The following DTNB variants were observed in gnomAD, a reference collection of about 807,000 sequenced individuals.
The protein encoded by DTNB is dystrobrevin beta, also known as DTN-B.
In DTNB, 63 loss-of-function variants were observed where a neutral mutation model predicts 90.7. That is an observed-to-expected ratio of 0.69 (90% CI 0.57 to 0.86). The LOEUF (loss-of-function observed/expected upper bound fraction) is 0.86, where lower values mean the gene tolerates loss of function less well. Ranked by LOEUF, DTNB falls within the 40% of genes least tolerant of loss-of-function variation. The pLI is 0.00. For missense variants in DTNB, 744 were observed against 807.1 expected (o/e 0.92, Z 0.95); for synonymous variants, 277 against 286.7 (o/e 0.97, Z 0.34).
intron 10 of DTNB, among the ~76,000 whole-genome samples, chr2:25,456,324 G>A (rs2060021876): frequency 6.6e-6 from 1 of 152,044 alleles, no homozygotes; most frequent in Non-Finnish European, 1.5e-5. Context: ...ATTTCACCTG[G>A]GAATACTTGA....
At chr2:25,620,739 G>A (rs779079966) in intron 4 of DTNB, among the ~76,000 whole-genome samples, 16 of 152,132 alleles carry the variant, frequency 1.1e-4, no homozygotes, top group Non-Finnish European at 1.8e-4. Flanking sequence ...GGCCGAGGCT[G>A]GAGAATCCCT....
Position 25,659,605 on chromosome 2 carries a change from T to C in DTNB, c.-1-6944A>G, listed in dbSNP as rs563266915. Among the ~76,000 whole-genome samples the C allele has an allele frequency of 5.8e-4, 88 of 152,210 alleles. 1 individual carries two copies. The highest frequency in any genetic ancestry group is 2.1e-3 in the African/African-American group (86 of 41,540). ...CACATGAACATTAAAAGAAACACCATAGAAATATTATGAACAATTCTAATC... is the reference window on the plus strand; with the variant it reads ...CACATGAACATTAAAAGAAACACCACAGAAATATTATGAACAATTCTAATC... On this transcript the variant is annotated intron_variant, in intron 1 of 20. Coordinates refer to ENST00000406818, the MANE Select transcript of DTNB (RefSeq NM_021907.5).
At chr2:25,579,444 GGACTCTT>G (rs941578974) in intron 7 of DTNB, among the ~76,000 whole-genome samples, 1 of 152,168 alleles carries the variant, frequency 6.6e-6, no homozygotes. Context: ...GGATAAAAGT[GGACTCTT>G]GGCTCTTCCT....
intron 8 of DTNB, among the ~76,000 whole-genome samples, chr2:25,550,493 G>A (rs543162114): frequency 1.6e-4 from 24 of 152,088 alleles, no homozygotes; most frequent in Admixed American, 4.6e-4. Context: ...CAATTCTTTT[G>A]AAGACCATCA....
intron 8 of DTNB, among the ~76,000 whole-genome samples, chr2:25,532,177 G>A (rs778888103): frequency 1.3e-5 from 2 of 151,000 alleles, no homozygotes; most frequent in East Asian, 3.9e-4. Flanking sequence ...CCTGGGAGGC[G>A]GAGGTTGCAG....
intron 10 of DTNB, among the ~76,000 whole-genome samples, chr2:25,467,355 G>A (rs1359888644): frequency 6.8e-6 from 1 of 147,046 alleles, no homozygotes; most frequent in Non-Finnish European, 1.5e-5. Flanking sequence ...CTGGAGTGCA[G>A]TGGTATGATC....
chr2:25,410,082 G>T (rs2046219211), intron 16 of DTNB, among the ~76,000 whole-genome samples: 1 of 152,096 alleles, frequency 6.6e-6, no homozygotes, highest in Non-Finnish European at 1.5e-5. Context: ...ATCCTTTTCT[G>T]TTAATGCTTT....
At chr2:25,585,401 G>A (rs1426321734) in intron 6 of DTNB, among the ~76,000 whole-genome samples, 1 of 152,050 alleles carries the variant, frequency 6.6e-6, no homozygotes, top group African/African-American at 2.4e-5. Context: ...TTTTATCACT[G>A]TATGCAGTCT....
chr2:25,391,294 A>G (rs1044593586), intron 16 of DTNB, among the ~76,000 whole-genome samples: 1 of 152,240 alleles, frequency 6.6e-6, no homozygotes, highest in Non-Finnish European at 1.5e-5. Flanking sequence ...TGTGCTTTGA[A>G]GAATACCATC....
intron 16 of DTNB, among the ~76,000 whole-genome samples, chr2:25,406,490 G>A (rs1317439713): frequency 6.7e-6 from 1 of 150,346 alleles, no homozygotes; most frequent in African/African-American, 2.5e-5. Flanking sequence ...AGCCGAGATC[G>A]TGCCATTGCA....
intron 16 of DTNB, among the ~76,000 whole-genome samples, chr2:25,408,538 C>CAAAAAAAAAAAAAAAAAAAAAAAAAAAA (rs11395783): frequency 2.4e-4 from 8 of 32,734 alleles, no homozygotes; most frequent in African/African-American, 7.5e-4. Flanking sequence ...GACTCCATCT[C>CAAAAAAAAAAAAAAAAAAAAAAAAAAAA]AAAAAAAAAA....
At chr2:25,410,446 C>A (rs1434716437) in intron 16 of DTNB, among the ~76,000 whole-genome samples, 1 of 152,124 alleles carries the variant, frequency 6.6e-6, no homozygotes, top group Admixed American at 6.5e-5. Flanking sequence ...CATCCCCCAT[C>A]CCCACCACGC....
chr2:25,438,340 A>G (rs2056509291), intron 12 of DTNB, among the ~76,000 whole-genome samples: 1 of 152,188 alleles, frequency 6.6e-6, no homozygotes, highest in Non-Finnish European at 1.5e-5. Context: ...AAATCTCATA[A>G]TGTTTTAAGA....
chr2:25,604,402 T>TCTCC (rs1429167591), intron 5 of DTNB, among the ~76,000 whole-genome samples: 2 of 149,876 alleles, frequency 1.3e-5, no homozygotes, highest in African/African-American at 4.9e-5. Context: ...CCCTTCTTTC[T>TCTCC]CTCTCTCTCT....
chr2:25,475,021 G>A (rs2063496921), intron 10 of DTNB, among the ~76,000 whole-genome samples: 1 of 152,026 alleles, frequency 6.6e-6, no homozygotes, highest in Admixed American at 6.6e-5. Flanking sequence ...TATTCCCTAA[G>A]ACATAAAAAT....
chr2:25,553,812 T>C (rs1572497820), intron 8 of DTNB, among the ~76,000 whole-genome samples: 1 of 149,446 alleles, frequency 6.7e-6, no homozygotes, highest in East Asian at 2.0e-4. Context: ...AACATGCTTA[T>C]AGATTACAAA....
intron 9 of DTNB, among the ~76,000 whole-genome samples, chr2:25,510,915 G>A (rs1348270644): frequency 6.6e-6 from 1 of 152,210 alleles, no homozygotes; most frequent in African/African-American, 2.4e-5. Flanking sequence ...GTTGGGATTT[G>A]GGGGCTAAAA....
At chr2:25,414,294 G>A (rs1183521602) in intron 16 of DTNB, among the ~76,000 whole-genome samples, 1 of 152,054 alleles carries the variant, frequency 6.6e-6, no homozygotes, top group South Asian at 2.1e-4. Flanking sequence ...TCGCTCTGTC[G>A]GCTGAAGTGC....
chr2:25,429,984 C>A (rs909220735), intron 14 of DTNB, among the ~76,000 whole-genome samples: 3 of 152,092 alleles, frequency 2.0e-5, no homozygotes, highest in Admixed American at 2.0e-4. Flanking sequence ...AATGTTTTGT[C>A]CTACACTCCA....
Sources: allele counts gnomAD v4.1 joint callset (sites outside exome capture counted in the v4.1 genomes callset), GRCh38; gene constraint gnomAD v4.1.1; transcripts MANE v1.5; gene names NCBI Gene and HGNC (gene_info 2026-07-23, HGNC 2026-07-21).